MEIOC: variants seen among roughly 807,000 people sequenced by gnomAD.
The protein encoded by MEIOC is meiosis specific with coiled-coil domain.
In MEIOC, 9 loss-of-function variants were observed where a neutral mutation model predicts 85.3. The ratio of observed to expected loss-of-function variants is 0.11; its 90% CI spans 0.06 to 0.18. MEIOC has a LOEUF of 0.18. Among genes scored for constraint, MEIOC ranks in the 10% least tolerant of loss-of-function variants. The pLI, the probability that MEIOC is intolerant of heterozygous loss-of-function variation, is 1.00. For missense variants in MEIOC, 898 were observed against 1,129.4 expected (o/e 0.80, Z 2.94); for synonymous variants, 365 against 393.7 (o/e 0.93, Z 0.86).
chr17:44,676,941 C>G, downstream of MEIOC: 1 of 984,812 alleles, frequency 1.0e-6, no homozygotes, highest in Non-Finnish European at 1.2e-6. Context: ...CCTCTATTTT[C>G]TGTTTAAGCA....
chr17:44,668,397 A>G (rs574495636), intron 5 of MEIOC, among the ~76,000 whole-genome samples, 164 bp downstream of exon 5: 11 of 152,336 alleles, frequency 7.2e-5, no homozygotes, highest in South Asian at 2.1e-4. Context: ...GCTGGAGTAC[A>G]GTGGCAGAAT....
chr17:44,673,492 G>A lies in MEIOC; in HGVS notation c.2584G>A (p.Val862Ile). Residue 862 changes from valine (V) to isoleucine (I), a missense_variant, in exon 7 of 8, where the codon GTT becomes ATT. This residue lies in a region of MEIOC where 164 missense variants were observed against 269.2 expected (regional missense o/e 0.61). Coordinates refer to ENST00000409122, the MANE Select transcript of MEIOC (RefSeq NM_001145080.3). ...IVQSRRKDEIVNASNRQRQGV... is the reference protein window; with the variant it reads ...IVQSRRKDEIINASNRQRQGV... Reference sequence around the variant, plus strand: ...ACAGTCACGTAGAAAGGATGAAATTGTTAATGCTTCCAATCGGCAAAGGCA... The same window carrying A: ...ACAGTCACGTAGAAAGGATGAAATTATTAATGCTTCCAATCGGCAAAGGCA... The A allele has an allele frequency of 6.4e-7, 1 of 1,551,164 alleles. No individual in the cohort carries two copies. The highest frequency in any genetic ancestry group is 8.7e-7 in the Non-Finnish European group (1 of 1,146,880).
chr17:44,660,193 T>A (rs1391067965), intron 2 of MEIOC, among the ~76,000 whole-genome samples: 1 of 152,006 alleles, frequency 6.6e-6, no homozygotes, highest in Non-Finnish European at 1.5e-5. Context: ...AGAAAATACT[T>A]TTAGCCAGAA....
chr17:44,659,623 A>G (rs1241470369), intron 2 of MEIOC, among the ~76,000 whole-genome samples: 1 of 152,238 alleles, frequency 6.6e-6, no homozygotes, highest in Non-Finnish European at 1.5e-5. Flanking sequence ...AAAATGTAAA[A>G]TGTACTTGAA....
In MEIOC at chr17:44,666,627, C is replaced by T; in HGVS notation, c.716C>T (p.Pro239Leu). Residue 239 changes from proline (P) to leucine (L), a missense_variant, in exon 5 of 8, where the codon CCC (proline) becomes CTC (leucine). By Grantham distance (98) the Pro-to-Leu change is moderately conservative. This residue lies in a region of MEIOC where 734 missense variants were observed against 860.1 expected (regional missense o/e 0.85). Transcript: ENST00000409122. ...GLDLEEQWMY[P>L]SRSDHSNCHN... ...GATCTTGAAGAACAATGGATGTACCCCTCACGAAGTGATCATTCTAACTGT... is the reference window on the plus strand; with the variant it reads ...GATCTTGAAGAACAATGGATGTACCTCTCACGAAGTGATCATTCTAACTGT... The T allele has an allele frequency of 6.2e-7, 1 of 1,611,152 alleles. No individual in the cohort carries two copies. The highest frequency in any genetic ancestry group is 8.5e-7 in the Non-Finnish European group (1 of 1,178,468).
chr17:44,676,809 G>C (rs1972082142), downstream of MEIOC: 1 of 263,920 alleles, frequency 3.8e-6, no homozygotes, highest in Non-Finnish European at 5.9e-6. Context: ...GTGACAGAGT[G>C]ATCCGTTTCA....
At chr17:44,676,071 A>G (rs1207312152), downstream of MEIOC, 1 of 152,264 alleles carries the variant, frequency 6.6e-6, no homozygotes. Context: ...GATACTGGTC[A>G]GAAATGAAAT....
Position 44,667,452 on chromosome 17 carries a change from C to T in MEIOC, c.1541C>T (p.Ser514Phe). 3.1e-6 allele frequency: 5 copies of T among 1,613,570 alleles called. No homozygotes were observed. The highest frequency in any genetic ancestry group is 4.2e-6 in the Non-Finnish European group (5 of 1,179,734). Residue 514 changes from serine to phenylalanine, a missense_variant, in exon 5 of 8, where the codon TCT becomes TTT. By Grantham distance (155) the Ser-to-Phe change is radical. Transcript: ENST00000409122. ...GCAGCTTCAAAAGGTTCTAACCATT[C>T]TTCAGATTTCCCCCAACTATCATCC... ...LSAASKGSNH[S>F]SDFPQLSSTN...
Position 44,656,491 on chromosome 17 carries a change from G to A in MEIOC, c.-123G>A, listed in dbSNP as rs928258087. 2.7e-6 allele frequency: 2 copies of A among 752,580 alleles called. No homozygotes were observed. The highest frequency in any genetic ancestry group is 3.4e-5 in the East Asian group (1 of 29,270). The allele number at this position is 752,580 out of a possible 1,614,324, so 46.6% of individuals were successfully genotyped here. A position where few individuals can be genotyped will look rare whatever the true frequency, so the allele number is the denominator to read the frequency against. Reference sequence around the variant, plus strand: ...GCACACTGGCTCCAGGCAGCGCCCGGGCGGCGGAGGCGGCTGCGGAGACGG... The same window carrying A: ...GCACACTGGCTCCAGGCAGCGCCCGAGCGGCGGAGGCGGCTGCGGAGACGG... On this transcript the variant is annotated 5_prime_UTR_variant, in exon 1 of 8. Transcript: ENST00000409122.
Position 44,666,645 on chromosome 17 carries a change from C to G in MEIOC, c.734C>G (p.Ser245Cys). The change falls in exon 5 of 8, where the codon TCT (serine) becomes TGT (cysteine). Residue 245 changes from serine (S) to cysteine (C), a missense_variant. This residue lies in a region of MEIOC where 734 missense variants were observed against 860.1 expected (regional missense o/e 0.85). Transcript: ENST00000409122. ...ATGTACCCCTCACGAAGTGATCATT[C>G]TAACTGTCACAATATTCAGACAAAT... ...QWMYPSRSDH[S>C]NCHNIQTNDT... is the part of the protein sequence containing the mutation. 2 of 1,611,662 alleles carry G rather than the reference C, an allele frequency of 1.2e-6. No homozygotes were observed.
At position 44,669,489 on chromosome 17, in the gene MEIOC, T is replaced by C; in HGVS notation, c.2429T>C (p.Ile810Thr). The C allele has an allele frequency of 6.4e-7, 1 of 1,554,196 alleles. No individual in the cohort carries two copies. Among genetic ancestry groups the C allele is most frequent in the Non-Finnish European group, 8.7e-7 (1 of 1,148,240 alleles). The stretch of plus-strand genomic sequence containing the variant: ...AACCCATCTAGAGTTGATCGCTTAA[T>C]TGTGGATGAACTTCGAGAACTAGCC... Reference protein sequence around the residue: ...TSNPSRVDRLIVDELRELARV... With the variant: ...TSNPSRVDRLTVDELRELARV... Residue 810 changes from isoleucine to threonine, a missense_variant, in exon 6 of 8, where the codon ATT (isoleucine) becomes ACT (threonine). Transcript: ENST00000409122.
chr17:44,664,090 G>A (rs1160521458), intron 3 of MEIOC, among the ~76,000 whole-genome samples: 1 of 152,016 alleles, frequency 6.6e-6, no homozygotes, highest in Non-Finnish European at 1.5e-5. Context: ...AATGTACAGG[G>A]CCGGGATTGG....
intron 2 of MEIOC, among the ~76,000 whole-genome samples, chr17:44,660,851 G>A (rs1313018952): frequency 2.0e-5 from 3 of 151,988 alleles, no homozygotes; most frequent in Admixed American, 2.0e-4. Flanking sequence ...CCAGCACTTT[G>A]GGAGGCCAAG....
chr17:44,656,710 G>T, intron 1 of MEIOC, 28 bp downstream of exon 1: 1 of 1,474,074 alleles, frequency 6.8e-7, no homozygotes. Flanking sequence ...GCAGGGTCCA[G>T]GGGGCGGCCA....
At chr17:44,676,250 T>C (rs1396926092), downstream of MEIOC, 1 of 152,214 alleles carries the variant, frequency 6.6e-6, no homozygotes, top group Non-Finnish European at 1.5e-5. Flanking sequence ...TATAAAACAT[T>C]GTACTTCTGA....
intron 5 of MEIOC, among the ~76,000 whole-genome samples, chr17:44,668,904 T>C (rs1971954930): frequency 6.6e-6 from 1 of 152,212 alleles, no homozygotes; most frequent in Non-Finnish European, 1.5e-5. Context: ...TCAGGTATTT[T>C]ATTTGTATTA....
chr17:44,673,903 C>T, intron 7 of MEIOC, 73 bp from the exon 8 acceptor site: 1 of 1,487,228 alleles, frequency 6.7e-7, no homozygotes, highest in South Asian at 1.3e-5. Flanking sequence ...AGCAAAAGCA[C>T]TGGGTTTTGT....
intron 7 of MEIOC, 184 bp from the exon 8 acceptor site, chr17:44,673,788 GAAAT>G: frequency 1.3e-6 from 1 of 775,564 alleles, no homozygotes; most frequent in East Asian, 2.7e-5. Context: ...GTACAAGTCA[GAAAT>G]AAAGTATCAA....
chr17:44,664,884 G>A (rs2144664102), intron 3 of MEIOC, among the ~76,000 whole-genome samples: 1 of 152,264 alleles, frequency 6.6e-6, no homozygotes, highest in African/African-American at 2.4e-5. Context: ...GTGGTGTCTA[G>A]GATGACCATA....
Sources: gnomAD v4.1 joint callset for allele counts (sites outside exome capture counted in the v4.1 genomes callset) on GRCh38, gnomAD v4.1.1 for gene constraint, gnomAD v4.1.1 regional missense constraint, MANE v1.5 for transcripts, NCBI Gene and HGNC (gene_info 2026-07-23, HGNC 2026-07-21) for gene names.